Variants in SAMD11 observed in about 807,000 individuals in gnomAD.
The protein encoded by SAMD11 is sterile alpha motif domain containing 11.
SAMD11 carries 77 observed loss-of-function variants against 64.4 expected under a neutral mutation model. The observed-to-expected ratio is 1.20, with a 90% CI of 0.99 to 1.44. The LOEUF (loss-of-function observed/expected upper bound fraction) is 1.44. SAMD11 is among the 40% of genes most tolerant of loss of function. SAMD11 has a pLI of 0.00. For missense variants in SAMD11, 1,402 were observed against 943.3 expected (o/e 1.49, Z -6.37); for synonymous variants, 658 against 421.9 (o/e 1.56, Z -6.86).
Position 944,079 on chromosome 1 carries a change from ACTT to A in SAMD11, c.2463_2465del (p.Ser822del), listed in dbSNP as rs1642001087. ...AGGGGGCCACGCCCTTGCCGGTCAA[ACTT>A]CACCCAAGCAGGAGAATGGGACCTT... On this transcript the variant is annotated inframe_deletion, in exon 14 of 14. Coordinates refer to ENST00000616016, the MANE Select transcript of SAMD11 (RefSeq NM_001385641.1). 1 of 1,612,344 alleles carries A rather than the reference ACTT, an allele frequency of 6.2e-7. No homozygotes were observed. Among genetic ancestry groups the A allele is most frequent in the Admixed American group, 1.7e-5 (1 of 59,978 alleles).
In SAMD11 at chr1:944,078, A is replaced by G; in HGVS notation, c.2460A>G (p.Gln820=). 1.9e-6 allele frequency: 3 copies of G among 1,612,506 alleles called. No individual in the cohort carries two copies. Among genetic ancestry groups the G allele is most frequent in the Non-Finnish European group, 2.5e-6 (3 of 1,179,874 alleles). ...GAGGGGGCCACGCCCTTGCCGGTCA[A>G]ACTTCACCCAAGCAGGAGAATGGGA... ...PYGGGHALAG[Q]TSPKQENGTL... is the part of the protein sequence containing the mutation. Residue 820 remains glutamine, a synonymous_variant, in exon 14 of 14, where the codon CAA becomes CAG. Coordinates refer to ENST00000616016, the MANE Select transcript of SAMD11 (RefSeq NM_001385641.1).
chr1:929,495 G>C (rs191949745), intron 2 of SAMD11, among the ~76,000 whole-genome samples: 28 of 152,374 alleles, frequency 1.8e-4, no homozygotes, highest in East Asian at 1.3e-3. Flanking sequence ...AGCTGCCCCT[G>C]AGCCGGGCTG....
chr1:943,479 C>T (rs1410531764), intron 12 of SAMD11, 102 bp downstream of exon 12: 21 of 1,126,024 alleles, frequency 1.9e-5, no homozygotes, highest in Non-Finnish European at 1.8e-5. Flanking sequence ...AACGCCCTCT[C>T]CCTCCCCAAA....
intron 2 of SAMD11, 152 bp from the exon 3 acceptor site, chr1:930,003 G>A (rs1393702518): frequency 2.3e-6 from 2 of 885,296 alleles, no homozygotes; most frequent in Non-Finnish European, 3.4e-6. Context: ...CTGCTCTGAG[G>A]GCACCTCTGC....
Position 944,257 on chromosome 1 carries a change from A to C in SAMD11, c.*104A>C. The stretch of plus-strand genomic sequence containing the variant: ...TTATTTCTTTCGGTTTCGGATGCAA[A>C]ACAAAAAATTTTAAAAGAAAATGTG... On this transcript the variant is annotated 3_prime_UTR_variant, in exon 14 of 14. Coordinates refer to ENST00000616016, the MANE Select transcript of SAMD11 (RefSeq NM_001385641.1). 1 of 1,458,228 alleles carries C rather than the reference A, an allele frequency of 6.9e-7. No homozygotes were observed. The highest frequency in any genetic ancestry group is 9.0e-7 in the Non-Finnish European group (1 of 1,107,314). The allele number at this position is 1,458,228 out of a possible 1,614,324, so 90.3% of individuals were successfully genotyped here.
intron 5 of SAMD11, among the ~76,000 whole-genome samples, chr1:936,768 G>A (rs967150961): frequency 3.9e-5 from 6 of 152,188 alleles, no homozygotes; most frequent in African/African-American, 1.4e-4. Flanking sequence ...GCCCTTGTGG[G>A]GCTGGGTGGG....
intron 4 of SAMD11, among the ~76,000 whole-genome samples, chr1:934,937 G>GGA (rs1641349294): frequency 1.1e-4 from 1 of 8,938 alleles, no homozygotes; most frequent in African/African-American, 3.0e-4. Context: ...TGGGCGGGGG[G>GGA]GGCGGCTGCG....
intron 2 of SAMD11, among the ~76,000 whole-genome samples, chr1:926,917 C>T (rs1311366384): frequency 2.6e-5 from 4 of 152,048 alleles, no homozygotes; most frequent in Non-Finnish European, 4.4e-5. Context: ...CTGAGGGTCC[C>T]GGGCGTACCT....
Position 935,869 on chromosome 1 carries a change from A to G in SAMD11, c.940A>G (p.Ser314Gly). 6.2e-7 allele frequency: 1 copy of G among 1,613,006 alleles called. No homozygotes were observed. Among genetic ancestry groups the G allele is most frequent in the African/African-American group, 1.3e-5 (1 of 75,028 alleles). The stretch of plus-strand genomic sequence containing the variant: ...GAGCCGCTGTGAATTCCAGAGAGGC[A>G]GCCTGGAGATTGGCCTGCGACCCGC... Reference protein sequence around the residue: ...HQSRCEFQRGSLEIGLRPAGD... With the variant: ...HQSRCEFQRGGLEIGLRPAGD... The change falls in exon 5 of 14, where the codon AGC becomes GGC. Residue 314 changes from serine to glycine, a missense_variant. Coordinates refer to ENST00000616016, the MANE Select transcript of SAMD11 (RefSeq NM_001385641.1).
intron 4 of SAMD11, 92 bp downstream of exon 4, chr1:931,181 G>GTC: frequency 8.6e-7 from 1 of 1,159,284 alleles, no homozygotes; most frequent in Admixed American, 2.0e-5. Flanking sequence ...GCTGTCCGCT[G>GTC]TCTCAGCGTG....
intron 4 of SAMD11, among the ~76,000 whole-genome samples, chr1:932,203 C>T (rs541083099): frequency 2.6e-5 from 4 of 152,334 alleles, no homozygotes; most frequent in African/African-American, 9.6e-5. Flanking sequence ...GAGCCTTTTA[C>T]ATGGGACACT....
rs544377093 is a variant in SAMD11, at chr1:930,316, C to T, written c.771C>T (p.His257=). 17 of 1,605,722 alleles carry T rather than the reference C, an allele frequency of 1.1e-5. No homozygotes were observed. In the South Asian group the frequency reaches 1.9e-4, roughly 18 times the overall value. The change falls in exon 3 of 14, where the codon CAC becomes CAT. Residue 257 remains histidine (H), a synonymous_variant. Coordinates refer to ENST00000616016, the MANE Select transcript of SAMD11 (RefSeq NM_001385641.1). ...GCTTGAAGCAGGAGGATGGTCCGCA[C>T]ATCCGTATCATGAAGAGAAGGTACT... ...RPGLKQEDGP[H]IRIMKRRVHT... is the part of the protein sequence containing the mutation.
At position 930,461 on chromosome 1, in the gene SAMD11, T is replaced by C. The variant is rs1402022990; in HGVS notation, c.791+125T>C. The C allele has an allele frequency of 5.4e-6, 6 of 1,118,226 alleles. No homozygotes were observed. The African/African-American group carries it at 9.5e-5, about 18-fold the overall frequency. 69.3% of individuals were successfully genotyped at this position (1,118,226 alleles called of 1,614,324 possible). ...ACACCTTCCCTCAGATGCTGGTCTTTTTGGGGTCCTGTGTGGGTCGCAGGC... is the reference window on the plus strand; with the variant it reads ...ACACCTTCCCTCAGATGCTGGTCTTCTTGGGGTCCTGTGTGGGTCGCAGGC... On this transcript the variant is annotated intron_variant, in intron 3 of 13. Coordinates refer to ENST00000616016, the MANE Select transcript of SAMD11 (RefSeq NM_001385641.1).
chr1:928,721 C>T (rs1641026814), intron 2 of SAMD11, among the ~76,000 whole-genome samples: 2 of 152,244 alleles, frequency 1.3e-5, no homozygotes, highest in African/African-American at 4.8e-5. Flanking sequence ...GTGGAGAGAG[C>T]AGAGGGGACC....
chr1:939,258 C>T lies in SAMD11; in HGVS notation c.1058-17C>T, dbSNP rs778053212. 72 of 1,579,556 alleles carry T rather than the reference C, an allele frequency of 4.6e-5. No individual in the cohort carries two copies. Among genetic ancestry groups the T allele is most frequent in the Non-Finnish European group, 5.7e-5 (66 of 1,162,740 alleles). Reference sequence around the variant, plus strand: ...CAGTGCCTGGAGAAACCTCTCACCCCGGGTCCTCCCCAGCAGAGGCGCTGC... The same window carrying T: ...CAGTGCCTGGAGAAACCTCTCACCCTGGGTCCTCCCCAGCAGAGGCGCTGC... On this transcript the variant is annotated splice_polypyrimidine_tract_variant and intron_variant, in intron 6 of 13. Transcript: ENST00000616016.
chr1:943,477 C>A, intron 12 of SAMD11, 100 bp downstream of exon 12: 1 of 1,123,024 alleles, frequency 8.9e-7, no homozygotes, highest in Non-Finnish European at 1.3e-6. Flanking sequence ...CCAACGCCCT[C>A]TCCCTCCCCA....
intron 2 of SAMD11, among the ~76,000 whole-genome samples, chr1:927,712 C>T (rs1640961743): frequency 6.6e-6 from 1 of 152,254 alleles, no homozygotes; most frequent in African/African-American, 2.4e-5. Context: ...TGCACAGGGG[C>T]CCTGCAGGCC....
chr1:944,296 G>A lies in SAMD11; in HGVS notation c.*143G>A, dbSNP rs6605067. ...AAAGAAAATGTGACTTCAAAGGAAA[G>A]GAACAAATTTTCAAAGACTTGGGGG... On this transcript the variant is annotated 3_prime_UTR_variant, in exon 14 of 14. Coordinates refer to ENST00000616016, the MANE Select transcript of SAMD11 (RefSeq NM_001385641.1). The A allele has an allele frequency of 0.94, 1,315,421 of 1,405,306 alleles. 616,370 individuals are homozygous for A. Among genetic ancestry groups the A allele is most frequent in the Non-Finnish European group, 0.95 (1,024,453 of 1,083,832 alleles). 87.1% of individuals were successfully genotyped at this position (1,405,306 alleles called of 1,614,324 possible).
In SAMD11 at chr1:944,396, C is replaced by A. The variant is rs1642022107; in HGVS notation, c.*243C>A. 8.0e-7 allele frequency: 1 copy of A among 1,250,116 alleles called. No homozygotes were observed. Among genetic ancestry groups the A allele is most frequent in the Admixed American group, 3.7e-5 (1 of 27,394 alleles). 77.4% of individuals were successfully genotyped at this position (1,250,116 alleles called of 1,614,324 possible). On this transcript the variant is annotated 3_prime_UTR_variant, in exon 14 of 14. Transcript: ENST00000616016. The stretch of plus-strand genomic sequence containing the variant: ...AGAGGTGGTGGAAGGGGCCAGGGGC[C>A]TGCAGGCCTCCCCCTGGAACTGGGA...
Sources: allele counts gnomAD v4.1 joint callset (sites outside exome capture counted in the v4.1 genomes callset), GRCh38; gene constraint gnomAD v4.1.1; transcripts MANE v1.5; gene names NCBI Gene and HGNC (gene_info 2026-07-23, HGNC 2026-07-21).